The following TMEM132B variants were observed in gnomAD, a reference collection of about 807,000 sequenced individuals.
The protein encoded by TMEM132B is transmembrane protein 132B.
Under a neutral mutation model 90.8 loss-of-function variants are expected in TMEM132B, and 18 were observed. That is an observed-to-expected ratio of 0.20 (90% CI 0.14 to 0.29). TMEM132B has a LOEUF of 0.29. Among genes scored for constraint, TMEM132B ranks in the 10% least tolerant of loss-of-function variants. The pLI is 1.00. For missense variants in TMEM132B, 1,096 were observed against 1,326.8 expected, an observed-to-expected ratio of 0.83 and a Z score of 2.70; for synonymous variants, 504 against 523.3, an observed-to-expected ratio of 0.96 and a Z score of 0.50.
chr12:125,604,828 C>A (rs1330593725), intron 5 of TMEM132B, among the ~76,000 whole-genome samples: 1 of 152,146 alleles, frequency 6.6e-6, no homozygotes. Context: ...CACTTTGTGG[C>A]AGACAATTTG....
chr12:125,536,514 C>T (rs1184708434), intron 4 of TMEM132B, among the ~76,000 whole-genome samples: 2 of 152,206 alleles, frequency 1.3e-5, no homozygotes, highest in Non-Finnish European at 2.9e-5. Flanking sequence ...AGGTGCATCT[C>T]ATCTGTAATA....
chr12:125,419,421 T>C (rs1880111802), intron 3 of TMEM132B, among the ~76,000 whole-genome samples: 1 of 152,216 alleles, frequency 6.6e-6, no homozygotes, highest in African/African-American at 2.4e-5. Context: ...TCTTACATGG[T>C]GGCAAGTAAG....
chr12:125,427,520 C>T (rs1413514834), intron 3 of TMEM132B, among the ~76,000 whole-genome samples: 2 of 152,170 alleles, frequency 1.3e-5, no homozygotes, highest in African/African-American at 2.4e-5. Context: ...TTAAGTCCAA[C>T]GCTCTTTTCG....
chr12:125,500,082 G>A (rs542308952), intron 3 of TMEM132B, among the ~76,000 whole-genome samples: 170 of 152,224 alleles, frequency 1.1e-3, no homozygotes, highest in African/African-American at 4.0e-3. Context: ...GTGATCCCCC[G>A]GGACCCAGCT....
rs1182134554 is a variant in TMEM132B, at chr12:125,251,482, A to G, written c.67+64616A>G. On this transcript the variant is annotated intron_variant, in intron 1 of 8. Coordinates refer to ENST00000682704, the MANE Select transcript of TMEM132B (RefSeq NM_001366854.1). This position sits in a 1 kb window ranked among gnomAD's most constrained non-coding sequence, Gnocchi z 4.4. Reference sequence around the variant, plus strand: ...CCTGCAGGGCTCACACAGGAAATGTATGAGAGGGAAGAAGTCTGGGTTTAA... The same window carrying G: ...CCTGCAGGGCTCACACAGGAAATGTGTGAGAGGGAAGAAGTCTGGGTTTAA... Among the ~76,000 whole-genome samples, 1 of 152,214 alleles carries G rather than the reference A, an allele frequency of 6.6e-6. No homozygotes were observed. Among genetic ancestry groups the G allele is most frequent in the Non-Finnish European group, 1.5e-5 (1 of 68,036 alleles).
At chr12:125,309,782 C>T (rs1876078838) in intron 1 of TMEM132B, among the ~76,000 whole-genome samples, 2 of 152,084 alleles carry the variant, frequency 1.3e-5, no homozygotes, top group African/African-American at 4.8e-5. Flanking sequence ...AACAAACTAC[C>T]CCAAGACCTG....
intron 1 of TMEM132B, among the ~76,000 whole-genome samples, chr12:125,298,406 G>T (rs1478109962): frequency 6.6e-6 from 1 of 151,098 alleles, no homozygotes; most frequent in Non-Finnish European, 1.5e-5. Flanking sequence ...GGGCATGGTG[G>T]CTTACACCTG....
intron 4 of TMEM132B, among the ~76,000 whole-genome samples, chr12:125,555,632 G>T (rs1884360057): frequency 6.6e-6 from 1 of 151,202 alleles, no homozygotes; most frequent in African/African-American, 2.4e-5. Flanking sequence ...GTTAATGGGT[G>T]CAGCACACCA....
At chr12:125,433,430 T>C (rs569037489) in intron 3 of TMEM132B, among the ~76,000 whole-genome samples, 1 of 152,300 alleles carries the variant, frequency 6.6e-6, no homozygotes, top group African/African-American at 2.4e-5. Context: ...TCAACTGGGA[T>C]TTCTGTGCCA....
At chr12:125,582,792 T>C (rs1448903186) in intron 4 of TMEM132B, among the ~76,000 whole-genome samples, 1 of 152,162 alleles carries the variant, frequency 6.6e-6, no homozygotes, top group Non-Finnish European at 1.5e-5. Flanking sequence ...TTTCATAAGG[T>C]CCCCATACAG....
At chr12:125,290,453 T>A (rs1002503884) in intron 1 of TMEM132B, among the ~76,000 whole-genome samples, 3 of 152,234 alleles carry the variant, frequency 2.0e-5, no homozygotes, top group African/African-American at 7.2e-5. Context: ...CCCTAGAGAT[T>A]ACCACTGCCT....
At chr12:125,610,014 T>G (rs1885788950) in intron 5 of TMEM132B, among the ~76,000 whole-genome samples, 1 of 151,844 alleles carries the variant, frequency 6.6e-6, no homozygotes, top group South Asian at 2.1e-4. Context: ...ATGCAATTAT[T>G]TTCTTAATTT....
chr12:125,556,879 C>G (rs1053030923), intron 4 of TMEM132B, among the ~76,000 whole-genome samples: 1 of 152,090 alleles, frequency 6.6e-6, no homozygotes, highest in South Asian at 2.1e-4. Flanking sequence ...CTCAGCCTCC[C>G]AAGTAGCTGG....
intron 4 of TMEM132B, among the ~76,000 whole-genome samples, chr12:125,574,495 C>A (rs1194735165): frequency 1.3e-5 from 2 of 152,070 alleles, no homozygotes; most frequent in African/African-American, 4.8e-5. Context: ...TCAGTTCTTT[C>A]TAGATCTAAG....
intron 1 of TMEM132B, among the ~76,000 whole-genome samples, chr12:125,240,794 C>T (rs141316931): frequency 2.6e-5 from 4 of 152,284 alleles, no homozygotes; most frequent in East Asian, 1.9e-4. Flanking sequence ...TGTGTGATTA[C>T]GGACTCTGTG....
intron 2 of TMEM132B, among the ~76,000 whole-genome samples, chr12:125,369,779 G>A (rs887174129): frequency 2.2e-4 from 34 of 152,358 alleles, no homozygotes; most frequent in Admixed American, 1.8e-3. Context: ...GCCGGGCGTG[G>A]TGGCTTATGC....
rs1879583196 is a variant in TMEM132B, at chr12:125,408,572, T to C, written c.960-6959T>C. Among the ~76,000 whole-genome samples the C allele has an allele frequency of 6.6e-6, 1 of 152,218 alleles. No individual in the cohort carries two copies. Among genetic ancestry groups the C allele is most frequent in the Non-Finnish European group, 1.5e-5 (1 of 68,042 alleles). ...GTGAGAAATAAATTTCTGTTGTTTA[T>C]AAGCCTCCAAGTTTGTGGTATTTTG... On this transcript the variant is annotated intron_variant, in intron 2 of 8. Coordinates refer to ENST00000682704, the MANE Select transcript of TMEM132B (RefSeq NM_001366854.1). This position sits in a 1 kb window ranked among gnomAD's most constrained non-coding sequence, Gnocchi z 5.9.
At chr12:125,628,123 A>G (rs901005753) in intron 5 of TMEM132B, among the ~76,000 whole-genome samples, 2 of 152,198 alleles carry the variant, frequency 1.3e-5, no homozygotes, top group Non-Finnish European at 2.9e-5. Context: ...GAGTGCAGAT[A>G]TCTCTTTGAA....
At chr12:125,598,534 A>G (rs1196189503) in intron 5 of TMEM132B, among the ~76,000 whole-genome samples, 1 of 152,228 alleles carries the variant, frequency 6.6e-6, no homozygotes, top group African/African-American at 2.4e-5. Context: ...GTTGGGGCTA[A>G]TAGCCCCAAG....
Sources: gnomAD v4.1 joint callset for allele counts (sites outside exome capture counted in the v4.1 genomes callset) on GRCh38, gnomAD v4.1.1 for gene constraint, Gnocchi (gnomAD v3.1) non-coding constraint, MANE v1.5 for transcripts, NCBI Gene and HGNC (gene_info 2026-07-23, HGNC 2026-07-21) for gene names.